ADAMDEC1: variants seen among roughly 807,000 people sequenced by gnomAD.
ADAMDEC1 encodes ADAM DEC1.
Under a neutral mutation model 60.4 loss-of-function variants are expected in ADAMDEC1, and 62 were observed. The ratio of observed to expected loss-of-function variants is 1.03; its 90% CI spans 0.84 to 1.27. The LOEUF is 1.27. Among genes scored for constraint, ADAMDEC1 ranks in the 50% most tolerant of loss-of-function variants. ADAMDEC1 has a pLI of 0.00. For missense variants in ADAMDEC1, 595 were observed against 565.0 expected, an observed-to-expected ratio of 1.05 and a Z score of -0.54; for synonymous variants, 210 against 195.1, an observed-to-expected ratio of 1.08 and a Z score of -0.64.
intron 4 of ADAMDEC1, among the ~76,000 whole-genome samples, 169 bp from the exon 5 acceptor site, chr8:24,395,551 G>T (rs1258376881): frequency 6.6e-6 from 1 of 152,196 alleles, no homozygotes; most frequent in Non-Finnish European, 1.5e-5. Context: ...TTGTGTTTCT[G>T]AGGATTGGTC....
chr8:24,397,594 C>G (rs1223143527), intron 6 of ADAMDEC1, 89 bp from the exon 7 acceptor site: 1 of 1,461,264 alleles, frequency 6.8e-7, no homozygotes, highest in Non-Finnish European at 9.3e-7. Context: ...TATTTATCTT[C>G]TATTTTAGGA....
In ADAMDEC1 at chr8:24,403,939, A is replaced by G. The variant is rs1310026654; in HGVS notation, c.1321-64A>G. The G allele has an allele frequency of 3.0e-6, 4 of 1,339,184 alleles. No homozygotes were observed. The African/African-American group carries it at 5.8e-5, about 19-fold the overall frequency. 83.0% of individuals were successfully genotyped at this position (1,339,184 alleles called of 1,614,324 possible). A position where few individuals can be genotyped will look rare whatever the true frequency, so the allele number is the denominator to read the frequency against. On this transcript the variant is annotated intron_variant, in intron 12 of 13. Transcript: ENST00000256412. ...CATTGCCATCTTGTGCCAGAATTCT[A>G]TCACCTAGTCTATGGGAAGAAAATG...
chr8:24,396,973 G>C (rs193148084), intron 5 of ADAMDEC1, among the ~76,000 whole-genome samples: 1 of 152,228 alleles, frequency 6.6e-6, no homozygotes, highest in Admixed American at 6.5e-5. Context: ...TGAAATATTT[G>C]TTAAATGAAT....
At chr8:24,398,760 T>C in intron 8 of ADAMDEC1, 114 bp from the exon 9 acceptor site, 1 of 1,207,476 alleles carries the variant, frequency 8.3e-7, no homozygotes, top group East Asian at 2.5e-5. Context: ...ACTTTCAAAA[T>C]GGAAATTCAT....
intron 13 of ADAMDEC1, 139 bp from the exon 14 acceptor site, chr8:24,405,153 G>T: frequency 2.4e-6 from 2 of 845,746 alleles, no homozygotes; most frequent in Admixed American, 6.1e-5. Flanking sequence ...ATGAAATACA[G>T]CTAATGGTAT....
intron 7 of ADAMDEC1, 60 bp from the exon 8 acceptor site, chr8:24,398,420 C>A: frequency 2.1e-6 from 2 of 936,716 alleles, no homozygotes; most frequent in Non-Finnish European, 1.7e-6. Flanking sequence ...ATCTTGTATG[C>A]CATCAGCTTT....
chr8:24,404,915 T>A (rs1817852157), intron 13 of ADAMDEC1, among the ~76,000 whole-genome samples: 3 of 152,122 alleles, frequency 2.0e-5, no homozygotes. Context: ...CTGCAGGGAA[T>A]TCTGGAAACT....
chr8:24,397,887 C>A, intron 7 of ADAMDEC1, 142 bp downstream of exon 7: 1 of 695,578 alleles, frequency 1.4e-6, no homozygotes, highest in Non-Finnish European at 2.4e-6. Context: ...CATGCCTTGC[C>A]AGCAATAGTT....
chr8:24,391,861 A>G (rs1267333778), intron 1 of ADAMDEC1, among the ~76,000 whole-genome samples: 1 of 152,142 alleles, frequency 6.6e-6, no homozygotes, highest in Non-Finnish European at 1.5e-5. Flanking sequence ...CTTGGAGGGC[A>G]TAGAGAGAAA....
At chr8:24,398,756 A>G in intron 8 of ADAMDEC1, 118 bp from the exon 9 acceptor site, 2 of 1,200,206 alleles carry the variant, frequency 1.7e-6, no homozygotes, top group Non-Finnish European at 2.3e-6. Flanking sequence ...TTTTACTTTC[A>G]AAATGGAAAT....
chr8:24,384,641 G>A, intron 1 of ADAMDEC1, 49 bp downstream of exon 1: 1 of 1,522,440 alleles, frequency 6.6e-7, no homozygotes. Context: ...ATTATTTGAT[G>A]AATGTTTAAA....
chr8:24,390,718 TC>T (rs1817421847), intron 1 of ADAMDEC1, among the ~76,000 whole-genome samples: 18 of 150,670 alleles, frequency 1.2e-4, no homozygotes, highest in Admixed American at 9.9e-4. Context: ...AGACTCTGTC[TC>T]AAAACAAAAC....
chr8:24,385,491 A>T (rs1817269193), intron 1 of ADAMDEC1, among the ~76,000 whole-genome samples: 1 of 152,068 alleles, frequency 6.6e-6, no homozygotes, highest in South Asian at 2.1e-4. Context: ...TGAAGTCTTC[A>T]AATTCAATTA....
intron 4 of ADAMDEC1, 56 bp from the exon 5 acceptor site, chr8:24,395,664 T>TA (rs1817587281): frequency 8.9e-7 from 1 of 1,119,392 alleles, no homozygotes; most frequent in Non-Finnish European, 1.3e-6. Context: ...ACACACACAC[T>TA]CACATACACA....
intron 2 of ADAMDEC1, among the ~76,000 whole-genome samples, chr8:24,392,886 G>GTTTTTTT (rs34415946): frequency 2.0e-5 from 1 of 50,364 alleles, no homozygotes; most frequent in Non-Finnish European, 4.1e-5. Flanking sequence ...GGGTTGAGAG[G>GTTTTTTT]TTTTTTTTTT....
intron 2 of ADAMDEC1, 42 bp from the exon 3 acceptor site, chr8:24,393,220 G>C: frequency 1.6e-6 from 2 of 1,241,230 alleles, no homozygotes; most frequent in Non-Finnish European, 2.3e-6. Context: ...TTTTAGTTAT[G>C]CTCAGAAATA....
rs551643015 is a variant in ADAMDEC1, at chr8:24,404,102, T to A, written c.1406+14T>A. 6.2e-7 allele frequency: 1 copy of A among 1,610,854 alleles called. No individual in the cohort carries two copies. The highest frequency in any genetic ancestry group is 2.2e-5 in the East Asian group (1 of 44,736). The stretch of plus-strand genomic sequence containing the variant: ...AAACCATACCACGTAAGACCTTTTG[T>A]TTTCTTTGTTCCAAAACGTTTTCTC... On this transcript the variant is annotated intron_variant, in intron 13 of 13. Transcript: ENST00000256412.
chr8:24,398,561 T>G lies in ADAMDEC1; in HGVS notation c.762+10T>G, dbSNP rs7004492. The G allele has an allele frequency of 1.3e-6, 2 of 1,578,976 alleles. No homozygotes were observed. The highest frequency in any genetic ancestry group is 1.7e-6 in the Non-Finnish European group (2 of 1,155,970). On this transcript the variant is annotated intron_variant, in intron 8 of 13. Transcript: ENST00000256412. ...GAACCTACTCAATGTGGTAAGACAT[T>G]AGTCATGTAAACCTCATGTTTCTGC...
intron 1 of ADAMDEC1, among the ~76,000 whole-genome samples, chr8:24,386,292 A>C (rs1817289925): frequency 6.6e-6 from 1 of 152,226 alleles, no homozygotes; most frequent in Admixed American, 6.5e-5. Flanking sequence ...CTGGTAAATT[A>C]TTCTTCTTTC....
Sources: gnomAD v4.1 joint callset for allele counts (sites outside exome capture counted in the v4.1 genomes callset) on GRCh38, gnomAD v4.1.1 for gene constraint, MANE v1.5 for transcripts, NCBI Gene and HGNC (gene_info 2026-07-23, HGNC 2026-07-21) for gene names.